HDAC9: variants seen among roughly 807,000 people sequenced by gnomAD.
The protein encoded by HDAC9 is histone deacetylase 9, also known as MEF-2 interacting transcription repressor (MITR) protein.
HDAC9 carries 41 observed loss-of-function variants against 139.4 expected under a neutral mutation model. The observed-to-expected ratio is 0.29, with a 90% CI of 0.23 to 0.38. HDAC9 has a LOEUF of 0.38. Among genes scored for constraint, HDAC9 ranks in the 10% least tolerant of loss-of-function variants. The pLI is 1.00. For synonymous variants in HDAC9, 517 were observed against 476.2 expected, an observed-to-expected ratio of 1.09 and a Z score of -1.12; for missense variants, 1,147 against 1,297.0, an observed-to-expected ratio of 0.88 and a Z score of 1.78.
chr7:18,699,642 G>T (rs2129103435), intron 12 of HDAC9, among the ~76,000 whole-genome samples: 1 of 152,056 alleles, frequency 6.6e-6, no homozygotes, highest in African/African-American at 2.4e-5. Context: ...TTACTCCTAG[G>T]AATGTTCATT....
At chr7:18,521,133 A>G (rs984355945) in intron 2 of HDAC9, among the ~76,000 whole-genome samples, 5 of 152,202 alleles carry the variant, frequency 3.3e-5, no homozygotes, top group African/African-American at 1.2e-4. Context: ...CTGGAATCCA[A>G]TTAGGAAAGA....
At chr7:18,907,594 G>T (rs1162657431) in intron 22 of HDAC9, among the ~76,000 whole-genome samples, 1 of 152,224 alleles carries the variant, frequency 6.6e-6, no homozygotes, top group African/African-American at 2.4e-5. Context: ...GGCTTTCTGG[G>T]AAGGGCCACA....
chr7:18,707,136 C>G (rs1300017121), intron 12 of HDAC9, among the ~76,000 whole-genome samples: 1 of 152,098 alleles, frequency 6.6e-6, no homozygotes, highest in African/African-American at 2.4e-5. Flanking sequence ...GAGGGAGGAA[C>G]TGGAAGGGTG....
chr7:18,271,276 A>G (rs1796332366), intron 2 of HDAC9, among the ~76,000 whole-genome samples: 2 of 152,208 alleles, frequency 1.3e-5, no homozygotes, highest in Admixed American at 1.3e-4. Flanking sequence ...ACCTGTATGT[A>G]TATATACTCT....
chr7:18,104,932 A>G (rs923469479), intron 1 of HDAC9, among the ~76,000 whole-genome samples: 1 of 151,804 alleles, frequency 6.6e-6, no homozygotes, highest in African/African-American at 2.4e-5. Flanking sequence ...CCTCCTTCAG[A>G]TCATTTCTAC....
chr7:18,863,902 A>G (rs1389071677), intron 21 of HDAC9, among the ~76,000 whole-genome samples: 1 of 152,210 alleles, frequency 6.6e-6, no homozygotes, highest in Admixed American at 6.5e-5. Context: ...TGAAATCTCC[A>G]TGGCCACTGT....
chr7:18,394,557 C>T (rs911273108), intron 1 of HDAC9, among the ~76,000 whole-genome samples: 5 of 151,892 alleles, frequency 3.3e-5, no homozygotes, highest in Non-Finnish European at 7.4e-5. Context: ...TTCAGTGGTC[C>T]AAGGGGACTG....
intron 1 of HDAC9, among the ~76,000 whole-genome samples, chr7:18,367,113 G>A (rs921554546): frequency 1.3e-5 from 2 of 152,068 alleles, no homozygotes; most frequent in African/African-American, 2.4e-5. Context: ...AGTAATAGAT[G>A]TTCATATCAG....
intron 1 of HDAC9, among the ~76,000 whole-genome samples, chr7:18,370,056 T>C (rs976279213): frequency 6.6e-6 from 1 of 152,152 alleles, no homozygotes; most frequent in Non-Finnish European, 1.5e-5. Flanking sequence ...ACAGAACTTG[T>C]CAGTAGAGGT....
At chr7:18,579,707 T>G (rs1418392603) in intron 2 of HDAC9, among the ~76,000 whole-genome samples, 1 of 152,212 alleles carries the variant, frequency 6.6e-6, no homozygotes, top group Admixed American at 6.5e-5. Flanking sequence ...TAAACATGCT[T>G]TCAATTTTTA....
At chr7:18,433,328 A>T (rs1056920558) in intron 1 of HDAC9, among the ~76,000 whole-genome samples, 21 of 152,264 alleles carry the variant, frequency 1.4e-4, no homozygotes, top group Non-Finnish European at 2.6e-4. Flanking sequence ...CTTAAGAACC[A>T]AGCCAAGACA....
chr7:18,890,824 T>G (rs1800615967), intron 22 of HDAC9, among the ~76,000 whole-genome samples: 1 of 152,166 alleles, frequency 6.6e-6, no homozygotes, highest in South Asian at 2.1e-4. Flanking sequence ...AATATAAACT[T>G]TAAGCGAAAG....
intron 17 of HDAC9, among the ~76,000 whole-genome samples, chr7:18,795,273 A>G (rs1792694461): frequency 6.7e-6 from 1 of 150,100 alleles, no homozygotes; most frequent in Non-Finnish European, 1.5e-5. Context: ...AAAAAAAAAA[A>G]AAAAAAAAAA....
At chr7:18,423,873 G>A (rs745353026) in intron 1 of HDAC9, among the ~76,000 whole-genome samples, 1 of 152,184 alleles carries the variant, frequency 6.6e-6, no homozygotes, top group Non-Finnish European at 1.5e-5. Context: ...TCACAGCAAG[G>A]GAAAGTGGAC....
chr7:18,226,654 A>C (rs1228758394), intron 2 of HDAC9, among the ~76,000 whole-genome samples: 1 of 152,186 alleles, frequency 6.6e-6, no homozygotes, highest in Non-Finnish European at 1.5e-5. Flanking sequence ...GGTTCATTGG[A>C]AGTGATATTT....
chr7:18,941,331 G>A (rs1782014815), intron 23 of HDAC9, among the ~76,000 whole-genome samples: 1 of 151,998 alleles, frequency 6.6e-6, no homozygotes. Context: ...TTCACAAACA[G>A]TGGCTAAACT....
chr7:18,611,363 A>G (rs1441434384), intron 6 of HDAC9, among the ~76,000 whole-genome samples: 2 of 152,174 alleles, frequency 1.3e-5, no homozygotes, highest in Admixed American at 6.6e-5. Context: ...GAAGAAAATT[A>G]ATGTTAACAG....
intron 2 of HDAC9, among the ~76,000 whole-genome samples, chr7:18,203,903 G>C (rs981534883): frequency 6.6e-6 from 1 of 152,152 alleles, no homozygotes; most frequent in African/African-American, 2.4e-5. Flanking sequence ...CTGTATTTTG[G>C]AGGTAATGTA....
intron 17 of HDAC9, chr7:18,808,150 C>A (rs1365560400): frequency 6.6e-6 from 1 of 152,172 alleles, no homozygotes; most frequent in East Asian, 1.9e-4. Context: ...CAACTAAGTG[C>A]TCAGCTTCAG....
Sources: gnomAD v4.1 joint callset for allele counts (sites outside exome capture counted in the v4.1 genomes callset) on GRCh38, gnomAD v4.1.1 for gene constraint, MANE v1.5 for transcripts, NCBI Gene and HGNC (gene_info 2026-07-23, HGNC 2026-07-21) for gene names.